RPTOR: variants seen among roughly 807,000 people sequenced by gnomAD.
RPTOR encodes regulatory-associated protein of mTOR.
Under a neutral mutation model 169.9 loss-of-function variants are expected in RPTOR, and 21 were observed. The ratio of observed to expected loss-of-function variants is 0.12; its 90% CI spans 0.09 to 0.18. RPTOR has a LOEUF of 0.18. RPTOR is among the 10% of genes least tolerant of loss of function. RPTOR has a pLI of 1.00. For synonymous variants in RPTOR, 732 were observed against 753.2 expected, an observed-to-expected ratio of 0.97 and a Z score of 0.46; for missense variants, 1,133 against 1,855.9, an observed-to-expected ratio of 0.61 and a Z score of 7.16.
chr17:80,557,198 C>T (rs1298931799), intron 1 of RPTOR, among the ~76,000 whole-genome samples: 1 of 152,194 alleles, frequency 6.6e-6, no homozygotes, highest in Non-Finnish European at 1.5e-5. Flanking sequence ...AACAAGATAG[C>T]ATGTGGATTA....
chr17:80,906,733 GAGCGTGACCTCCTAGATGGC>G (rs1192790326), intron 20 of RPTOR, among the ~76,000 whole-genome samples: 152 of 152,276 alleles, frequency 1.0e-3, no homozygotes, highest in South Asian at 8.3e-3. Context: ...CACAGCAGCA[GAGCGTGACCTCCTAGATGGC>G]AGCGTGACCT....
intron 1 of RPTOR, among the ~76,000 whole-genome samples, chr17:80,589,573 A>G (rs1348066499): frequency 6.6e-6 from 1 of 152,072 alleles, no homozygotes; most frequent in Admixed American, 6.5e-5. Context: ...CATCTTTTCA[A>G]TATTAATTTT....
chr17:80,584,396 A>G (rs2065041505), intron 1 of RPTOR, among the ~76,000 whole-genome samples: 1 of 152,102 alleles, frequency 6.6e-6, no homozygotes. Flanking sequence ...AAGGTGACTC[A>G]TAAATAACTG....
At chr17:80,614,868 C>T (rs2065297419) in intron 1 of RPTOR, among the ~76,000 whole-genome samples, 1 of 152,204 alleles carries the variant, frequency 6.6e-6, no homozygotes, top group African/African-American at 2.4e-5. Flanking sequence ...CTTGCGTGTG[C>T]TGTTGCCTTC....
At chr17:80,888,015 G>A (rs2068270060) in intron 17 of RPTOR, among the ~76,000 whole-genome samples, 1 of 152,234 alleles carries the variant, frequency 6.6e-6, no homozygotes, top group Admixed American at 6.5e-5. Context: ...CTGGGCAGGA[G>A]CCGCACACAG....
At chr17:80,624,488 T>A (rs2065378201) in intron 1 of RPTOR, among the ~76,000 whole-genome samples, 2 of 152,186 alleles carry the variant, frequency 1.3e-5, no homozygotes, top group Non-Finnish European at 2.9e-5. Flanking sequence ...AAATGACCCT[T>A]CCAAGTATTA....
intron 3 of RPTOR, among the ~76,000 whole-genome samples, chr17:80,683,584 G>T (rs1384537043): frequency 6.6e-6 from 1 of 152,150 alleles, no homozygotes; most frequent in African/African-American, 2.4e-5. Flanking sequence ...GTTGCCAAAT[G>T]CTGGTTTTCT....
chr17:80,553,333 G>A (rs573402317), intron 1 of RPTOR, among the ~76,000 whole-genome samples: 1 of 152,178 alleles, frequency 6.6e-6, no homozygotes, highest in African/African-American at 2.4e-5. Flanking sequence ...CCGACAGGCC[G>A]CCTCTGGATG....
intron 20 of RPTOR, among the ~76,000 whole-genome samples, chr17:80,904,440 G>A (rs1032758968): frequency 5.9e-5 from 9 of 152,214 alleles, no homozygotes; most frequent in African/African-American, 2.2e-4. Context: ...GGGAGCTTCT[G>A]GGATTCAGAG....
chr17:80,910,755 GT>G (rs2068602692), intron 21 of RPTOR, among the ~76,000 whole-genome samples: 1 of 151,836 alleles, frequency 6.6e-6, no homozygotes, highest in Non-Finnish European at 1.5e-5. Context: ...GTGGCTTTCG[GT>G]TCCTTCAACT....
intron 2 of RPTOR, among the ~76,000 whole-genome samples, chr17:80,638,275 G>A (rs2065524035): frequency 6.6e-6 from 1 of 152,214 alleles, no homozygotes; most frequent in Non-Finnish European, 1.5e-5. Flanking sequence ...CTCCCTTTGG[G>A]CCTGGGGGGT....
intron 28 of RPTOR, among the ~76,000 whole-genome samples, chr17:80,954,781 G>A (rs1293712314): frequency 6.6e-6 from 1 of 152,172 alleles, no homozygotes; most frequent in East Asian, 1.9e-4. Flanking sequence ...GCTGGACATG[G>A]TGGCAGGTGC....
intron 3 of RPTOR, among the ~76,000 whole-genome samples, chr17:80,675,621 T>G (rs1018113233): frequency 1.3e-5 from 2 of 152,164 alleles, no homozygotes; most frequent in African/African-American, 4.8e-5. Context: ...CGCCCATGAC[T>G]GCAACGCCCC....
At chr17:80,949,268 G>A (rs2069143007) in intron 27 of RPTOR, among the ~76,000 whole-genome samples, 175 bp from the exon 28 acceptor site, 1 of 152,158 alleles carries the variant, frequency 6.6e-6, no homozygotes, top group Non-Finnish European at 1.5e-5. Context: ...ATGGATCTGA[G>A]GACAGAGTCC....
At chr17:80,685,503 G>A (rs191883592) in intron 3 of RPTOR, among the ~76,000 whole-genome samples, 1 of 147,694 alleles carries the variant, frequency 6.8e-6, no homozygotes, top group Non-Finnish European at 1.5e-5. Flanking sequence ...TGAACTCCTG[G>A]GGTCAAGTGA....
chr17:80,755,167 G>A (rs1047722705), intron 6 of RPTOR, among the ~76,000 whole-genome samples: 2 of 152,184 alleles, frequency 1.3e-5, no homozygotes, highest in African/African-American at 4.8e-5. Context: ...CCCAGGGCTG[G>A]GGGTTCATGA....
At chr17:80,571,676 A>ACAC (rs1317977374) in intron 1 of RPTOR, among the ~76,000 whole-genome samples, 1 of 152,062 alleles carries the variant, frequency 6.6e-6, no homozygotes, top group Non-Finnish European at 1.5e-5. Flanking sequence ...GCACACCACC[A>ACAC]CACCAAGCTA....
At chr17:80,931,919 C>T (rs1476003804) in intron 24 of RPTOR, among the ~76,000 whole-genome samples, 4 of 131,200 alleles carry the variant, frequency 3.0e-5, no homozygotes, top group Admixed American at 1.7e-4. Context: ...TGCAGACACA[C>T]GAGGAAAGCC....
chr17:80,594,034 T>C (rs746054599), intron 1 of RPTOR, among the ~76,000 whole-genome samples: 1 of 152,116 alleles, frequency 6.6e-6, no homozygotes, highest in Non-Finnish European at 1.5e-5. Flanking sequence ...CGTTCCTTTC[T>C]TTCCTTCCTT....
Sources: allele counts gnomAD v4.1 joint callset (sites outside exome capture counted in the v4.1 genomes callset), GRCh38; gene constraint gnomAD v4.1.1; transcripts MANE v1.5; gene names NCBI Gene and HGNC (gene_info 2026-07-23, HGNC 2026-07-21).